NPAS3: variants seen among roughly 807,000 people sequenced by gnomAD.
NPAS3 encodes neuronal PAS domain-containing protein 3.
NPAS3 carries 14 observed loss-of-function variants against 73.1 expected under a neutral mutation model. The observed-to-expected ratio is 0.19, with a 90% CI of 0.13 to 0.30. The LOEUF (loss-of-function observed/expected upper bound fraction) is 0.30, where lower values mean the gene tolerates loss of function less well. Ranked by LOEUF, NPAS3 falls within the 10% of genes least tolerant of loss-of-function variation. The pLI is 1.00. For synonymous variants in NPAS3, 620 were observed against 541.5 expected, an observed-to-expected ratio of 1.14 and a Z score of -2.01; for missense variants, 1,096 against 1,250.0, an observed-to-expected ratio of 0.88 and a Z score of 1.86.
intron 2 of NPAS3, among the ~76,000 whole-genome samples, chr14:33,125,792 A>G (rs1459493716): frequency 6.6e-6 from 1 of 152,154 alleles, no homozygotes; most frequent in African/African-American, 2.4e-5. Context: ...TAAACCATAC[A>G]TGTTAGGAAA....
chr14:33,797,752 A>G lies in NPAS3; in HGVS notation c.1426+171A>G, dbSNP rs775833745. On this transcript the variant is annotated intron_variant, in intron 11 of 11. Coordinates refer to ENST00000356141, the Ensembl canonical transcript of NPAS3. Reference sequence around the variant, plus strand: ...TCTGCCTCTCTCCAGACACACATATATATAATTGTACACCACTACATACCT... The same window carrying G: ...TCTGCCTCTCTCCAGACACACATATGTATAATTGTACACCACTACATACCT... 3.9e-5 allele frequency among the ~76,000 whole-genome samples: 6 copies of G among 152,202 alleles called. No homozygotes were observed. In the East Asian group the frequency reaches 9.7e-4, roughly 24 times the overall value.
chr14:33,507,781 G>A (rs7143747), intron 4 of NPAS3, among the ~76,000 whole-genome samples: 40,237 of 151,896 alleles, frequency 0.26, 6,284 homozygotes, highest in East Asian at 0.45. Context: ...CTCTGACAAT[G>A]CTGTTCTCTT....
At chr14:33,031,611 G>A (rs1436994991) in intron 1 of NPAS3, among the ~76,000 whole-genome samples, 1 of 152,186 alleles carries the variant, frequency 6.6e-6, no homozygotes, top group Non-Finnish European at 1.5e-5. Flanking sequence ...TTCCACTTCA[G>A]CCTACTGAAT....
chr14:33,237,838 G>T (rs2048087681), intron 3 of NPAS3, among the ~76,000 whole-genome samples: 1 of 151,584 alleles, frequency 6.6e-6, no homozygotes, highest in African/African-American at 2.4e-5. Flanking sequence ...ATATTTGAAT[G>T]CAGTATATAA....
At chr14:33,533,766 A>G (rs1036067998) in intron 4 of NPAS3, among the ~76,000 whole-genome samples, 4 of 152,168 alleles carry the variant, frequency 2.6e-5, no homozygotes, top group Non-Finnish European at 5.9e-5. Flanking sequence ...TGGTGACGTG[A>G]AAAGAGATCC....
At chr14:33,364,224 G>T (rs888772705) in intron 3 of NPAS3, among the ~76,000 whole-genome samples, 1 of 152,094 alleles carries the variant, frequency 6.6e-6, no homozygotes, top group African/African-American at 2.4e-5. Flanking sequence ...AGTTGTTTTA[G>T]ATCATTAATG....
intron 4 of NPAS3, among the ~76,000 whole-genome samples, chr14:33,460,891 G>A (rs976179124): frequency 6.6e-5 from 10 of 152,174 alleles, no homozygotes; most frequent in Admixed American, 2.6e-4. Flanking sequence ...GTGATGCCAT[G>A]GGAGAGGAGG....
chr14:33,272,609 G>A (rs1249446718), intron 3 of NPAS3, among the ~76,000 whole-genome samples: 1 of 152,042 alleles, frequency 6.6e-6, no homozygotes, highest in African/African-American at 2.4e-5. Flanking sequence ...TAGAGATGGG[G>A]TTTCACCATG....
chr14:33,184,199 G>A (rs1455188546), intron 2 of NPAS3, among the ~76,000 whole-genome samples: 3 of 152,120 alleles, frequency 2.0e-5, no homozygotes, highest in Non-Finnish European at 1.5e-5. Flanking sequence ...GAGCCTCCTG[G>A]GAGAACACAG....
At chr14:33,048,574 T>C (rs899524852) in intron 1 of NPAS3, among the ~76,000 whole-genome samples, 12 of 152,208 alleles carry the variant, frequency 7.9e-5, no homozygotes, top group African/African-American at 2.9e-4. Context: ...CTACACACCC[T>C]TTCACCACCA....
intron 2 of NPAS3, among the ~76,000 whole-genome samples, chr14:33,200,959 C>A (rs530322676): frequency 1.3e-5 from 2 of 152,224 alleles, no homozygotes; most frequent in Non-Finnish European, 2.9e-5. Flanking sequence ...GTTTTTGTGA[C>A]CCTTACTTTA....
chr14:33,727,213 G>A (rs1485730711), intron 6 of NPAS3, among the ~76,000 whole-genome samples: 1 of 2,360 alleles, frequency 4.2e-4, no homozygotes, highest in East Asian at 0.17. Context: ...CCCCATGGAT[G>A]GCCGCAGAGA....
At chr14:33,189,039 T>C (rs2046077084) in intron 2 of NPAS3, among the ~76,000 whole-genome samples, 1 of 152,206 alleles carries the variant, frequency 6.6e-6, no homozygotes, top group East Asian at 1.9e-4. Flanking sequence ...AAGTTGTTTA[T>C]CTGAATTATT....
intron 4 of NPAS3, among the ~76,000 whole-genome samples, chr14:33,480,309 A>G (rs553913875): frequency 3.3e-5 from 5 of 152,310 alleles, no homozygotes; most frequent in African/African-American, 1.2e-4. Context: ...ACGTAGATAT[A>G]CAACTATAAC....
chr14:33,399,766 C>G (rs1279954864), intron 4 of NPAS3, among the ~76,000 whole-genome samples: 2 of 151,574 alleles, frequency 1.3e-5, no homozygotes, highest in Non-Finnish European at 2.9e-5. Context: ...GGTCAAGGAG[C>G]TTTCTTTATA....
At chr14:33,212,520 C>T (rs1214024686) in intron 2 of NPAS3, among the ~76,000 whole-genome samples, 2 of 151,968 alleles carry the variant, frequency 1.3e-5, no homozygotes, top group African/African-American at 4.8e-5. Flanking sequence ...AGTAGTAAAA[C>T]ATCAGAACAC....
intron 4 of NPAS3, among the ~76,000 whole-genome samples, chr14:33,382,343 G>A (rs1397615593): frequency 2.6e-5 from 4 of 152,130 alleles, no homozygotes; most frequent in South Asian, 4.1e-4. Flanking sequence ...TATTTCAATC[G>A]ATACCTAAAT....
chr14:33,522,794 A>G (rs2053613999), intron 4 of NPAS3, among the ~76,000 whole-genome samples: 1 of 152,114 alleles, frequency 6.6e-6, no homozygotes, highest in South Asian at 2.1e-4. Flanking sequence ...TATCTTACAC[A>G]TATGTTTTGT....
chr14:33,353,156 TA>T (rs35112023), intron 3 of NPAS3, among the ~76,000 whole-genome samples: 90,343 of 146,856 alleles, frequency 0.62, 28,272 homozygotes, highest in African/African-American at 0.78. Context: ...ATGGCTTCTG[TA>T]AAAAAAAAAA....
Sources: gnomAD v4.1 joint callset for allele counts (sites outside exome capture counted in the v4.1 genomes callset) on GRCh38, gnomAD v4.1.1 for gene constraint, MANE v1.5 for transcripts, NCBI Gene and HGNC (gene_info 2026-07-23, HGNC 2026-07-21) for gene names.